ANKS6: variants seen among roughly 807,000 people sequenced by gnomAD.
ANKS6 encodes the protein ankyrin repeat and SAM domain-containing protein 6.
ANKS6 carries 47 observed loss-of-function variants against 77.9 expected under a neutral mutation model. That is an observed-to-expected ratio of 0.60 (90% CI 0.48 to 0.77). ANKS6 has a LOEUF of 0.77. Ranked by LOEUF, ANKS6 falls within the 30% of genes least tolerant of loss-of-function variation. The pLI is 0.00. For synonymous variants in ANKS6, 488 were observed against 501.7 expected (o/e 0.97, Z 0.37); for missense variants, 1,150 against 1,159.1 (o/e 0.99, Z 0.11).
rs948542075 is a variant in ANKS6, at chr9:98,745,494, C to T, written c.2511+65G>A. On this transcript the variant is annotated intron_variant, in intron 14 of 14. Transcript: ENST00000353234. ...AGAGGAAGTAAGACCTTCCCAAGAT[C>T]CCAGGACCCTGGTGAAGCTCTCAGA... 17 of 1,477,584 alleles carry T rather than the reference C, an allele frequency of 1.2e-5. No individual in the cohort carries two copies. In the Admixed American group the frequency reaches 2.0e-4, roughly 17 times the overall value. 91.5% of individuals were successfully genotyped at this position (1,477,584 alleles called of 1,614,324 possible). A position where few individuals can be genotyped will look rare whatever the true frequency, so the allele number is the denominator to read the frequency against.
chr9:98,784,934 T>G lies in ANKS6; in HGVS notation c.863-58A>C, dbSNP rs972846955. Reference sequence around the variant, plus strand: ...GGAAAGGTTTAATATAACAGAAAAGTCACAAGGGTGTAACAACACAGCCTG... The same window carrying G: ...GGAAAGGTTTAATATAACAGAAAAGGCACAAGGGTGTAACAACACAGCCTG... On this transcript the variant is annotated intron_variant, in intron 2 of 14. Transcript: ENST00000353234. 1.2e-5 allele frequency: 18 copies of G among 1,505,896 alleles called. No individual in the cohort carries two copies. In the African/African-American group the frequency reaches 2.2e-4, roughly 19 times the overall value. The allele number at this position is 1,505,896 out of a possible 1,614,324, so 93.3% of individuals were successfully genotyped here.
intron 1 of ANKS6, among the ~76,000 whole-genome samples, chr9:98,792,877 A>T (rs1007483307): frequency 3.3e-5 from 5 of 152,242 alleles, no homozygotes; most frequent in African/African-American, 1.2e-4. Flanking sequence ...GAAATAGTGA[A>T]ATTTGGAATG....
chr9:98,734,401 A>G lies in ANKS6; in HGVS notation c.*2118T>C. 1.0e-6 allele frequency: 1 copy of G among 985,434 alleles called. No individual in the cohort carries two copies. Among genetic ancestry groups the G allele is most frequent in the Non-Finnish European group, 1.2e-6 (1 of 829,952 alleles). The allele number at this position is 985,434 out of a possible 1,614,324, so 61.0% of individuals were successfully genotyped here. ...ACCTGAGTGGAAGCTATACCAGTAT[A>G]TTGTTATGAAAAAAACAGGACCACA... On this transcript the variant is annotated 3_prime_UTR_variant, in exon 15 of 15. Transcript: ENST00000353234.
chr9:98,742,774 T>C (rs1387074494), intron 14 of ANKS6, among the ~76,000 whole-genome samples: 1 of 141,714 alleles, frequency 7.1e-6, no homozygotes, highest in African/African-American at 2.6e-5. Flanking sequence ...CACTAACAGC[T>C]GTCCCTTCTG....
At position 98,796,413 on chromosome 9, in the gene ANKS6, G is replaced by A. The variant is rs1280037146; in HGVS notation, c.79C>T (p.Arg27Trp). The change falls in exon 1 of 15, where the codon CGG (arginine) becomes TGG (tryptophan). Residue 27 changes from arginine to tryptophan, a missense_variant. Coordinates refer to ENST00000353234, the MANE Select transcript of ANKS6 (RefSeq NM_173551.5). ...TCCGCCGCCCCCGGCTCCAGCAGCCGCCGCGCCGTCTCCGTGTCGCCCTGG... is the reference window on the plus strand; with the variant it reads ...TCCGCCGCCCCCGGCTCCAGCAGCCACCGCGCCGTCTCCGTGTCGCCCTGG... ...CDQGDTETAR[R>W]LLEPGAAEPA... is the part of the protein sequence containing the mutation. The A allele has an allele frequency of 3.0e-6, 3 of 995,234 alleles. No individual in the cohort carries two copies. In the South Asian group the frequency reaches 1.3e-4, roughly 45 times the overall value. 61.7% of individuals were successfully genotyped at this position (995,234 alleles called of 1,614,324 possible).
chr9:98,771,507 T>C (rs1001936695), intron 9 of ANKS6, among the ~76,000 whole-genome samples: 2 of 152,190 alleles, frequency 1.3e-5, no homozygotes, highest in Admixed American at 6.5e-5. Flanking sequence ...ACATCCTTTA[T>C]GGTGTCTTTC....
chr9:98,734,639 C>T lies in ANKS6; in HGVS notation c.*1880G>A. The T allele has an allele frequency of 1.0e-6, 1 of 954,824 alleles. No individual in the cohort carries two copies. The highest frequency in any genetic ancestry group is 1.2e-6 in the Non-Finnish European group (1 of 802,242). 59.1% of individuals were successfully genotyped at this position (954,824 alleles called of 1,614,324 possible). A position where few individuals can be genotyped will look rare whatever the true frequency, so the allele number is the denominator to read the frequency against. ...TCCGGTTCTGACCCCAGATCTGCTCCTTCTGGGCTGTTTAACTGGCAAGCT... is the reference window on the plus strand; with the variant it reads ...TCCGGTTCTGACCCCAGATCTGCTCTTTCTGGGCTGTTTAACTGGCAAGCT... On this transcript the variant is annotated 3_prime_UTR_variant, in exon 15 of 15. Coordinates refer to ENST00000353234, the MANE Select transcript of ANKS6 (RefSeq NM_173551.5).
intron 14 of ANKS6, among the ~76,000 whole-genome samples, chr9:98,742,002 T>C (rs1746161005): frequency 6.6e-6 from 1 of 152,218 alleles, no homozygotes; most frequent in South Asian, 2.1e-4. Context: ...TATTTTCTAT[T>C]CTATTTTCTA....
At position 98,745,568 on chromosome 9, in the gene ANKS6, G is replaced by GT; in HGVS notation, c.2501dup (p.Asn834LysfsTer23). ...AAACAGAGAACGGTACCTTGCCTGC[G>GT]TTCAGTTCAGAAATCGCTGCCAGAA... On this transcript the variant is annotated frameshift_variant, in exon 14 of 15. Coordinates refer to ENST00000353234, the MANE Select transcript of ANKS6 (RefSeq NM_173551.5). LOFTEE classifies it high-confidence loss of function. The GT allele has an allele frequency of 6.2e-7, 1 of 1,613,122 alleles. No individual in the cohort carries two copies. Among genetic ancestry groups the GT allele is most frequent in the South Asian group, 1.1e-5 (1 of 91,038 alleles).
rs754330467 is a variant in ANKS6 at position 98,751,123 on chromosome 9, A to C, written c.2327-27T>G. On this transcript the variant is annotated intron_variant, in intron 12 of 14. Transcript: ENST00000353234. The stretch of plus-strand genomic sequence containing the variant: ...TTCAAGATGGAAAGGTGAAAAAAAA[A>C]CAACACATTTTAGAATTTGGTAAAG... 43 of 1,567,576 alleles carry C rather than the reference A, an allele frequency of 2.7e-5. 1 individual carries two copies. In the South Asian group the frequency reaches 3.4e-4, roughly 12 times the overall value.
At chr9:98,779,813 G>A (rs186274636) in intron 6 of ANKS6, among the ~76,000 whole-genome samples, 18 of 151,962 alleles carry the variant, frequency 1.2e-4, no homozygotes, top group South Asian at 2.1e-4. Flanking sequence ...ACAGGCGTGC[G>A]CCACCATGCC....
At chr9:98,795,379 C>G (rs1835118056) in intron 1 of ANKS6, among the ~76,000 whole-genome samples, 1 of 151,908 alleles carries the variant, frequency 6.6e-6, no homozygotes. Context: ...CCATGACTCC[C>G]TAGCACCTTC....
chr9:98,736,470 G>T lies in ANKS6; in HGVS notation c.*49C>A. 6.5e-7 allele frequency: 1 copy of T among 1,549,354 alleles called. No homozygotes were observed. The highest frequency in any genetic ancestry group is 8.7e-7 in the Non-Finnish European group (1 of 1,145,726). On this transcript the variant is annotated 3_prime_UTR_variant, in exon 15 of 15. Coordinates refer to ENST00000353234, the MANE Select transcript of ANKS6 (RefSeq NM_173551.5). The stretch of plus-strand genomic sequence containing the variant: ...AGGGCTGGGGCTGTGGCCACGTGAA[G>T]GGGTCCCGGGATTCAGAGAGCTCAC...
intron 9 of ANKS6, among the ~76,000 whole-genome samples, chr9:98,772,523 G>A (rs982121215): frequency 2.6e-5 from 4 of 152,180 alleles, no homozygotes; most frequent in African/African-American, 4.8e-5. Context: ...ACACCAAAAC[G>A]AAGGTCCTCT....
chr9:98,790,713 T>C (rs1257240637), intron 1 of ANKS6, 107 bp from the exon 2 acceptor site: 2 of 1,422,444 alleles, frequency 1.4e-6, no homozygotes, highest in East Asian at 4.8e-5. Flanking sequence ...CTGCTCATGA[T>C]AAGAGGTCTT....
Position 98,734,556 on chromosome 9 carries a change from T to C in ANKS6, c.*1963A>G. 1.0e-6 allele frequency: 1 copy of C among 985,472 alleles called. No individual in the cohort carries two copies. Among genetic ancestry groups the C allele is most frequent in the Non-Finnish European group, 1.2e-6 (1 of 829,954 alleles). The allele number at this position is 985,472 out of a possible 1,614,324, so 61.0% of individuals were successfully genotyped here. ...TTAAAACAAGAATCACAAGTGCTTC[T>C]AGCTCCAGGAGTCTATAGGAGTTAG... On this transcript the variant is annotated 3_prime_UTR_variant, in exon 15 of 15. Coordinates refer to ENST00000353234, the MANE Select transcript of ANKS6 (RefSeq NM_173551.5).
At chr9:98,772,148 G>A (rs1249980149) in intron 9 of ANKS6, among the ~76,000 whole-genome samples, 1 of 152,210 alleles carries the variant, frequency 6.6e-6, no homozygotes, top group Non-Finnish European at 1.5e-5. Context: ...GAGCTTATAT[G>A]TGCTTACCTA....
chr9:98,737,017 G>T (rs978370233), intron 14 of ANKS6, among the ~76,000 whole-genome samples: 1 of 152,148 alleles, frequency 6.6e-6, no homozygotes, highest in African/African-American at 2.4e-5. Context: ...GTGTCCTTCT[G>T]CTACAGGATA....
At chr9:98,742,200 C>T (rs776506272) in intron 14 of ANKS6, among the ~76,000 whole-genome samples, 2 of 152,114 alleles carry the variant, frequency 1.3e-5, no homozygotes, top group Non-Finnish European at 2.9e-5. Context: ...GCCAAGCTTG[C>T]GTTGCAAAAG....
Sources: allele counts gnomAD v4.1 joint callset (sites outside exome capture counted in the v4.1 genomes callset), GRCh38; gene constraint gnomAD v4.1.1; transcripts MANE v1.5; gene names NCBI Gene and HGNC (gene_info 2026-07-23, HGNC 2026-07-21).